The following CRB1 variants were observed in gnomAD, a reference collection of about 807,000 sequenced individuals.
CRB1 encodes crumbs cell polarity complex component 1.
Under a neutral mutation model 120.0 loss-of-function variants are expected in CRB1, and 83 were observed. The observed-to-expected ratio is 0.69, with a 90% CI of 0.58 to 0.83. The LOEUF (loss-of-function observed/expected upper bound fraction) is 0.83, where lower values mean the gene tolerates loss of function less well. CRB1 is among the 40% of genes least tolerant of loss of function. The pLI is 0.00. For synonymous variants in CRB1, 625 were observed against 612.5 expected, an observed-to-expected ratio of 1.02 and a Z score of -0.30; for missense variants, 1,699 against 1,687.6, an observed-to-expected ratio of 1.01 and a Z score of -0.12.
chr1:197,248,754 A>C, the CRB1 span, among the ~76,000 whole-genome samples: 1 of 151,970 alleles, frequency 6.6e-6, no homozygotes, highest in African/African-American at 2.4e-5. Context: ...TTTTGACTTT[A>C]ATTTGGGTCC....
Position 197,470,906 on chromosome 1 carries a change from G to T in CRB1, c.4006-6758G>T, listed in dbSNP as rs192226306. On this transcript the variant is annotated intron_variant, in intron 11 of 11. Transcript: ENST00000367400. Reference sequence around the variant, plus strand: ...ACATGTCAAATCTCAGTGTCACTGGGCCCTTTCCCTAAAGGTCTACAAGAG... The same window carrying T: ...ACATGTCAAATCTCAGTGTCACTGGTCCCTTTCCCTAAAGGTCTACAAGAG... Among the ~76,000 whole-genome samples, 25 of 152,318 alleles carry T rather than the reference G, an allele frequency of 1.6e-4. No homozygotes were observed. In the South Asian group the frequency reaches 4.8e-3, roughly 29 times the overall value.
At chr1:197,204,451 G>T in the CRB1 span, among the ~76,000 whole-genome samples, 2 of 152,030 alleles carry the variant, frequency 1.3e-5, no homozygotes, top group African/African-American at 2.4e-5. Context: ...ATTATTTTTT[G>T]ATTTTTTTAT....
Position 197,442,220 on chromosome 1 carries a change from G to C in CRB1, c.3933G>C (p.Leu1311=), listed in dbSNP as rs372846698. Residue 1311 remains leucine, a synonymous_variant, in exon 11 of 12, where the codon CTG becomes CTC. Transcript: ENST00000367400. The stretch of plus-strand genomic sequence containing the variant: ...CTGATCCGTGTGTCAATGGAGGTCT[G>C]TGCCAGGACTTACTCAACAAATTCC... The part of the protein sequence containing the change: ...CASDPCVNGG[L]CQDLLNKFQC... The C allele has an allele frequency of 6.8e-6, 11 of 1,614,040 alleles. No homozygotes were observed. Among genetic ancestry groups the C allele is most frequent in the Non-Finnish European group, 9.3e-6 (11 of 1,180,038 alleles).
chr1:197,443,216 G>A (rs746084045), intron 11 of CRB1: 19 of 150,314 alleles, frequency 1.3e-4, no homozygotes, highest in African/African-American at 3.4e-4. Flanking sequence ...GAATTGTTAC[G>A]TTTTCTCTGA....
At chr1:197,369,424 G>A (rs1558087832) in intron 5 of CRB1, among the ~76,000 whole-genome samples, 2 of 151,678 alleles carry the variant, frequency 1.3e-5, no homozygotes, top group Non-Finnish European at 2.9e-5. Context: ...ACCCAGTTGC[G>A]AGGGCAAGAA....
At chr1:197,332,582 C>G (rs1658925047) in intron 2 of CRB1, among the ~76,000 whole-genome samples, 1 of 152,096 alleles carries the variant, frequency 6.6e-6, no homozygotes, top group South Asian at 2.1e-4. Flanking sequence ...GGCTTGCTCA[C>G]CAATCTCCTA....
At chr1:197,422,028 A>T in intron 6 of CRB1, 72 bp downstream of exon 6, 2 of 1,397,230 alleles carry the variant, frequency 1.4e-6, no homozygotes, top group South Asian at 2.3e-5. Context: ...AAAAACAGCC[A>T]GACTGCTTCT....
At chr1:197,328,351 G>A (rs548468838) in intron 1 of CRB1, 71 bp from the exon 2 acceptor site, 62 of 1,292,780 alleles carry the variant, frequency 4.8e-5, no homozygotes, top group Non-Finnish European at 6.6e-5. Context: ...CAGCACAAAG[G>A]TCACAAAGAA....
At chr1:197,304,360 T>C (rs934691217) in intron 1 of CRB1, 2 of 971,160 alleles carry the variant, frequency 2.1e-6, no homozygotes, top group South Asian at 9.5e-5. Flanking sequence ...TAAATGTTTT[T>C]CCACATCTAG....
At chr1:197,412,034 A>G (rs376327748) in intron 5 of CRB1, among the ~76,000 whole-genome samples, 3 of 152,214 alleles carry the variant, frequency 2.0e-5, no homozygotes, top group South Asian at 2.1e-4. Flanking sequence ...TCACATGCCC[A>G]TGACCCAGCT....
chr1:197,338,305 A>G (rs1192164453), intron 2 of CRB1, among the ~76,000 whole-genome samples: 1 of 152,164 alleles, frequency 6.6e-6, no homozygotes, highest in Non-Finnish European at 1.5e-5. Flanking sequence ...ATTTTATGAT[A>G]TTTATGATGC....
chr1:197,249,614 G>A, the CRB1 span, among the ~76,000 whole-genome samples: 1 of 151,868 alleles, frequency 6.6e-6, no homozygotes, highest in African/African-American at 2.4e-5. Flanking sequence ...TTATTTCCTG[G>A]CACCCTGGAA....
At chr1:197,222,655 T>C in the CRB1 span, 2 of 779,910 alleles carry the variant, frequency 2.6e-6, no homozygotes, top group Non-Finnish European at 4.8e-6. Flanking sequence ...GACCTTTCAG[T>C]CACCTTAGGA....
intron 1 of CRB1, among the ~76,000 whole-genome samples, chr1:197,298,383 A>T (rs1558037419): frequency 6.6e-6 from 1 of 152,114 alleles, no homozygotes. Flanking sequence ...GGTACCTCTA[A>T]CAGGTTCTAT....
At chr1:197,470,130 T>C (rs1666917365) in intron 11 of CRB1, among the ~76,000 whole-genome samples, 1 of 152,214 alleles carries the variant, frequency 6.6e-6, no homozygotes. Context: ...CTTTTAATTC[T>C]CTTCTGCCAA....
chr1:197,449,430 A>G (rs1302814478), intron 11 of CRB1, among the ~76,000 whole-genome samples: 1 of 152,028 alleles, frequency 6.6e-6, no homozygotes, highest in African/African-American at 2.4e-5. Flanking sequence ...GCAGTGGCGC[A>G]ATCTCGGCTC....
Position 197,276,170 on chromosome 1 carries a change from A to G in CRB1, c.70+7688A>G, listed in dbSNP as rs550343557. On this transcript the variant is annotated intron_variant, in intron 1 of 11. Transcript: ENST00000367400. ...GCAGTGTACTTTTAATAATAACACT[A>G]TGGGATTCAGTCATGCTGTATCCCA... Among the ~76,000 whole-genome samples, 57 of 151,704 alleles carry G rather than the reference A, an allele frequency of 3.8e-4. No homozygotes were observed. In the South Asian group the frequency reaches 9.7e-3, roughly 26 times the overall value.
chr1:197,244,997 T>C, the CRB1 span, among the ~76,000 whole-genome samples: 2 of 152,040 alleles, frequency 1.3e-5, no homozygotes, highest in East Asian at 3.9e-4. Flanking sequence ...TTGTTTAGGT[T>C]ATCGTATTTT....
the CRB1 span, among the ~76,000 whole-genome samples, chr1:197,261,522 A>T: frequency 6.6e-6 from 1 of 152,232 alleles, no homozygotes; most frequent in Admixed American, 6.5e-5. Context: ...TTATTTAAAA[A>T]AAGAAGCAAA....
Sources: allele counts gnomAD v4.1 joint callset (sites outside exome capture counted in the v4.1 genomes callset), GRCh38; gene constraint gnomAD v4.1.1; transcripts MANE v1.5; gene names NCBI Gene and HGNC (gene_info 2026-07-23, HGNC 2026-07-21).